CSNK1G1: variants seen among roughly 807,000 people sequenced by gnomAD.
The protein encoded by CSNK1G1 is casein kinase 1 gamma 1, also known as casein kinase I isoform gamma-1.
In CSNK1G1, 22 loss-of-function variants were observed where a neutral mutation model predicts 59.6. That is an observed-to-expected ratio of 0.37 (90% CI 0.26 to 0.53). The LOEUF (loss-of-function observed/expected upper bound fraction) is 0.53. Ranked by LOEUF, CSNK1G1 falls within the 20% of genes least tolerant of loss-of-function variation. CSNK1G1 has a pLI of 0.89. For missense variants in CSNK1G1, 384 were observed against 519.5 expected, an observed-to-expected ratio of 0.74 and a Z score of 2.54; for synonymous variants, 179 against 177.1, an observed-to-expected ratio of 1.01 and a Z score of -0.08.
chr15:64,258,358 G>A (rs1474109916), intron 3 of CSNK1G1, among the ~76,000 whole-genome samples: 1 of 151,040 alleles, frequency 6.6e-6, no homozygotes, highest in Non-Finnish European at 1.5e-5. Context: ...ACTCCAGCCT[G>A]GGCAACACTG....
intron 1 of CSNK1G1, among the ~76,000 whole-genome samples, chr15:64,336,698 A>G (rs1435716370): frequency 3.3e-5 from 5 of 152,206 alleles, no homozygotes; most frequent in Admixed American, 1.3e-4. Flanking sequence ...ACCAAGGAAA[A>G]TATAACTTTC....
chr15:64,200,956 C>G lies in CSNK1G1; in HGVS notation c.1107+2126G>C, dbSNP rs2082098513. Among the ~76,000 whole-genome samples, 1 of 152,088 alleles carries G rather than the reference C, an allele frequency of 6.6e-6. No individual in the cohort carries two copies. Among genetic ancestry groups the G allele is most frequent in the Non-Finnish European group, 1.5e-5 (1 of 68,016 alleles). Reference sequence around the variant, plus strand: ...GATTTCAAGAAGTAAGGTATTTCATCAGAGAAGAAAATAACTTGATCAAAT... The same window carrying G: ...GATTTCAAGAAGTAAGGTATTTCATGAGAGAAGAAAATAACTTGATCAAAT... On this transcript the variant is annotated intron_variant, in intron 10 of 11. Coordinates refer to ENST00000303052, the MANE Select transcript of CSNK1G1 (RefSeq NM_022048.5). This position sits in a 1 kb window ranked among gnomAD's most constrained non-coding sequence, Gnocchi z 4.3.
intron 2 of CSNK1G1, among the ~76,000 whole-genome samples, chr15:64,278,397 T>TGC: frequency 7.8e-6 from 1 of 128,980 alleles, no homozygotes; most frequent in South Asian, 2.6e-4. Context: ...TGTGTGTGTG[T>TGC]GTGTGTGTGT....
chr15:64,230,999 A>C (rs1206548182), intron 4 of CSNK1G1, among the ~76,000 whole-genome samples: 1 of 151,316 alleles, frequency 6.6e-6, no homozygotes, highest in African/African-American at 2.4e-5. Context: ...TAAATAATAA[A>C]ATAAAATAAA....
At chr15:64,254,615 G>A (rs143053213) in intron 3 of CSNK1G1, among the ~76,000 whole-genome samples, 60 of 152,284 alleles carry the variant, frequency 3.9e-4, no homozygotes, top group African/African-American at 1.4e-3. Context: ...GCCTCCCAAA[G>A]TGCTGGGATT....
At position 64,214,094 on chromosome 15, in the gene CSNK1G1, T is replaced by C; in HGVS notation, c.475A>G (p.Asn159Asp). 6.2e-7 allele frequency: 1 copy of C among 1,614,052 alleles called. No homozygotes were observed. ...LSRMEYVHSK[N>D]LIYRDVKPEN... The stretch of plus-strand genomic sequence containing the variant: ...GGCTTGACATCTCGGTAAATGAGGT[T>C]CTTTGAGTGCACGTATTCCATTCGA... The change falls in exon 6 of 12, where the codon AAC becomes GAC. Residue 159 changes from asparagine to aspartate, a missense_variant. By Grantham distance (23) the Asn-to-Asp change is conservative. This residue lies in a region of CSNK1G1 where 325 missense variants were observed against 440.9 expected (regional missense o/e 0.74). Coordinates refer to ENST00000303052, the MANE Select transcript of CSNK1G1 (RefSeq NM_022048.5). The surrounding 1 kb of genome is among the most constrained non-coding windows in gnomAD (Gnocchi z 4.3).
In CSNK1G1 at chr15:64,284,864, A is replaced by C. The variant is rs530278157; in HGVS notation, c.181+15455T>G. Among the ~76,000 whole-genome samples, 48 of 152,228 alleles carry C rather than the reference A, an allele frequency of 3.2e-4. No individual in the cohort carries two copies. The Middle Eastern group carries it at 0.01, about 32-fold the overall frequency. ...AAAGTTTTACTAAGACACAGCTAAA[A>C]ATTTCAGCAAATATAATTTATAATT... On this transcript the variant is annotated intron_variant, in intron 2 of 11. Transcript: ENST00000303052.
chr15:64,267,751 A>G (rs1267666896), intron 2 of CSNK1G1, among the ~76,000 whole-genome samples: 1 of 152,182 alleles, frequency 6.6e-6, no homozygotes, highest in East Asian at 1.9e-4. Flanking sequence ...AAGAGTTCTC[A>G]AAAAATTAAA....
At chr15:64,290,345 T>TACACAC (rs58767502) in intron 2 of CSNK1G1, among the ~76,000 whole-genome samples, 22 of 150,178 alleles carry the variant, frequency 1.5e-4, no homozygotes, top group Middle Eastern at 3.2e-3. Context: ...ACACACATTT[T>TACACAC]ACACACACAC....
At chr15:64,346,356 A>G (rs187765152) in intron 1 of CSNK1G1, among the ~76,000 whole-genome samples, 3 of 151,842 alleles carry the variant, frequency 2.0e-5, no homozygotes, top group Admixed American at 6.5e-5. Flanking sequence ...GTAAACTACA[A>G]AACGATAAAA....
At chr15:64,228,669 C>T (rs2082496401) in intron 4 of CSNK1G1, among the ~76,000 whole-genome samples, 2 of 152,020 alleles carry the variant, frequency 1.3e-5, no homozygotes, top group South Asian at 4.1e-4. Context: ...GTATTCACAA[C>T]CACAAAGGCA....
At chr15:64,292,649 G>A (rs1001350801) in intron 2 of CSNK1G1, among the ~76,000 whole-genome samples, 1 of 152,212 alleles carries the variant, frequency 6.6e-6, no homozygotes, top group Non-Finnish European at 1.5e-5. Flanking sequence ...CACCAGCCAG[G>A]TGCAGTGGCC....
chr15:64,293,057 T>A (rs1894829701), intron 2 of CSNK1G1, among the ~76,000 whole-genome samples: 1 of 152,214 alleles, frequency 6.6e-6, no homozygotes, highest in African/African-American at 2.4e-5. Flanking sequence ...TTTTAATGTT[T>A]ACATGATTCT....
rs531367701 is a variant in CSNK1G1 at position 64,203,694 on chromosome 15, T to TAAAAAAAAA, written c.1000-514_1000-506dup. Among the ~76,000 whole-genome samples the TAAAAAAAAA allele has an allele frequency of 6.8e-4, 38 of 56,176 alleles. 2 individuals carry two copies. The highest frequency in any genetic ancestry group is 2.8e-3 in the African/African-American group (36 of 12,952). The allele number at this position is 56,176 out of a possible 152,430, so 36.9% of individuals were successfully genotyped here. A position where few individuals can be genotyped will look rare whatever the true frequency, so the allele number is the denominator to read the frequency against. On this transcript the variant is annotated intron_variant, in intron 9 of 11. Coordinates refer to ENST00000303052, the MANE Select transcript of CSNK1G1 (RefSeq NM_022048.5). ...CCTGGGCAACAAGAGTGAAACTCCG[T>TAAAAAAAAA]AAAAAAAAAAAAAAAAAAAAAAAAA... is the stretch of plus-strand genomic sequence containing the variant.
intron 4 of CSNK1G1, among the ~76,000 whole-genome samples, chr15:64,227,623 C>A (rs1203726797): frequency 1.3e-5 from 2 of 152,286 alleles, no homozygotes; most frequent in Admixed American, 1.3e-4. Flanking sequence ...TAAACAAATT[C>A]TTTATTTTGG....
In CSNK1G1 at chr15:64,214,980, A is replaced by G. The variant is rs185182589; in HGVS notation, c.445-856T>C. On this transcript the variant is annotated intron_variant, in intron 5 of 11. Coordinates refer to ENST00000303052, the MANE Select transcript of CSNK1G1 (RefSeq NM_022048.5). The surrounding 1 kb of genome is among the most constrained non-coding windows in gnomAD (Gnocchi z 4.3). ...GTTGTTTTAAATTTATTTTCAGATT[A>G]TTTTTGTAGAGATGGGGTCTATGTT... 7.3e-5 allele frequency among the ~76,000 whole-genome samples: 11 copies of G among 151,054 alleles called. No homozygotes were observed. In the East Asian group the frequency reaches 1.4e-3, roughly 19 times the overall value.
chr15:64,203,463 C>T (rs1332315084), intron 9 of CSNK1G1, among the ~76,000 whole-genome samples: 3 of 151,518 alleles, frequency 2.0e-5, no homozygotes, highest in Non-Finnish European at 4.4e-5. Context: ...TTTGGGAGGC[C>T]GAGGTGAGTG....
intron 1 of CSNK1G1, among the ~76,000 whole-genome samples, chr15:64,314,949 C>T (rs1039752401): frequency 6.6e-6 from 1 of 152,158 alleles, no homozygotes; most frequent in Non-Finnish European, 1.5e-5. Flanking sequence ...AGAAAGCAGA[C>T]ATCTCTTCAA....
chr15:64,335,019 C>G (rs1398953410), intron 1 of CSNK1G1, among the ~76,000 whole-genome samples: 1 of 152,138 alleles, frequency 6.6e-6, no homozygotes, highest in Admixed American at 6.5e-5. Context: ...AGAGTTACTA[C>G]AAAGATTCAG....
Sources: allele counts gnomAD v4.1 joint callset (sites outside exome capture counted in the v4.1 genomes callset), GRCh38; gene constraint gnomAD v4.1.1; regional missense constraint gnomAD v4.1.1; non-coding constraint Gnocchi (gnomAD v3.1); transcripts MANE v1.5; gene names NCBI Gene and HGNC (gene_info 2026-07-23, HGNC 2026-07-21).